The following TRIM49 variants were observed in gnomAD, a reference collection of about 807,000 sequenced individuals.
TRIM49 encodes the protein tripartite motif-containing protein 49.
Under a neutral mutation model 27.4 loss-of-function variants are expected in TRIM49, and 5 were observed. That is an observed-to-expected ratio of 0.18 (90% CI 0.10 to 0.38). The LOEUF is 0.38. Among genes scored for constraint, TRIM49 ranks in the 10% least tolerant of loss-of-function variants. The pLI is 1.00. For synonymous variants in TRIM49, 69 were observed against 166.0 expected (o/e 0.42, Z 4.49); for missense variants, 188 against 487.5 (o/e 0.39, Z 5.79).
the TRIM49 span, chr11:89,787,924 G>T: frequency 3.5e-5 from 13 of 372,744 alleles, no homozygotes; most frequent in Non-Finnish European, 5.3e-5. Flanking sequence ...GGACCACCGG[G>T]CCGCGTGTAT....
At chr11:89,796,151 T>C (rs1275453166), downstream of TRIM49, among the ~76,000 whole-genome samples, 1 of 152,044 alleles carries the variant, frequency 6.6e-6, no homozygotes, top group East Asian at 1.9e-4. Context: ...ATCCCAGCTT[T>C]CTCAGTTATT....
At chr11:89,800,892 T>C in intron 6 of TRIM49, 74 bp downstream of exon 6, 7 of 875,230 alleles carry the variant, frequency 8.0e-6, no homozygotes, top group Non-Finnish European at 1.2e-5. Flanking sequence ...ATTTATGCCA[T>C]GACTTTAATA....
the TRIM49 span, chr11:89,768,129 C>A: frequency 2.2e-6 from 2 of 891,038 alleles, no homozygotes; most frequent in Non-Finnish European, 3.4e-6. Flanking sequence ...GGAAGGCTGC[C>A]CATAGAAAAC....
downstream of TRIM49, among the ~76,000 whole-genome samples, chr11:89,796,997 C>T (rs1262969678): frequency 6.6e-6 from 1 of 151,934 alleles, no homozygotes; most frequent in East Asian, 1.9e-4. Flanking sequence ...TACATCTCTC[C>T]AGCCATGAAT....
chr11:89,774,082 C>T, the TRIM49 span, among the ~76,000 whole-genome samples: 1 of 148,046 alleles, frequency 6.8e-6, no homozygotes, highest in East Asian at 2.0e-4. Context: ...CTCAGTGTAA[C>T]CTCTGCCTCC....
rs775168182 is a variant in TRIM49 at position 89,804,092 on chromosome 11, G to A, written c.378C>T (p.His126=). ...SSSQEHRYHR[H]RPIEWAAEEH... is the part of the protein sequence containing the mutation. ...CCTCAGCAGCCCACTCAATGGGACG[G>A]TGTCTGTGATACCGGTGCTCCTGAG... Residue 126 remains histidine (H), a synonymous_variant, in exon 3 of 8, where the codon CAC becomes CAT. Transcript: ENST00000329758. 6.2e-6 allele frequency: 10 copies of A among 1,608,134 alleles called. No homozygotes were observed. The highest frequency in any genetic ancestry group is 7.6e-6 in the Non-Finnish European group (9 of 1,178,172).
Position 89,804,317 on chromosome 11 carries a change from C to A in TRIM49, c.153G>T (p.Gln51His), listed in dbSNP as rs747616933. ...CGGTTGACTTTGTGCATTCAGAGCA[C>A]TGGACAAGAAATGGGATGTCTTGCC... ...LNWQDIPFLV[Q>H]CSECTKSTEQ... The change falls in exon 3 of 8, where the codon CAG becomes CAT. Residue 51 changes from glutamine to histidine, a missense_variant. Transcript: ENST00000329758. 8.1e-6 allele frequency: 13 copies of A among 1,611,896 alleles called. No individual in the cohort carries two copies. In the East Asian group the frequency reaches 2.9e-4, roughly 36 times the overall value.
the TRIM49 span, among the ~76,000 whole-genome samples, chr11:89,769,587 A>C: frequency 7.7e-6 from 1 of 130,270 alleles, no homozygotes; most frequent in Non-Finnish European, 1.5e-5. Context: ...GCCCAGCAAC[A>C]GTCTGAGCTG....
the TRIM49 span, among the ~76,000 whole-genome samples, chr11:89,773,116 C>T: frequency 7.4e-6 from 1 of 136,038 alleles, no homozygotes; most frequent in Admixed American, 6.9e-5. Flanking sequence ...ACTTGAACCT[C>T]GGAGGCAGAG....
intron 2 of TRIM49, among the ~76,000 whole-genome samples, chr11:89,805,926 G>C (rs1949786488): frequency 6.6e-6 from 1 of 150,448 alleles, no homozygotes; most frequent in Non-Finnish European, 1.5e-5. Flanking sequence ...TGCCATCTTG[G>C]CCAGGCTGCA....
chr11:89,776,885 A>G, the TRIM49 span: 1 of 1,374,776 alleles, frequency 7.3e-7, no homozygotes, highest in South Asian at 1.5e-5. Context: ...CAAGTAGACA[A>G]AGAAAATTGT....
the TRIM49 span, among the ~76,000 whole-genome samples, chr11:89,773,177 G>A: frequency 7.4e-6 from 1 of 135,542 alleles, no homozygotes; most frequent in Admixed American, 6.9e-5. Flanking sequence ...GGTGACAGAG[G>A]GAGACTGCGT....
chr11:89,791,282 G>A, the TRIM49 span, among the ~76,000 whole-genome samples: 29 of 152,254 alleles, frequency 1.9e-4, no homozygotes, highest in Non-Finnish European at 7.4e-5. Context: ...GGTGATGAAA[G>A]TGATGGGGAG....
downstream of TRIM49, among the ~76,000 whole-genome samples, chr11:89,795,851 G>A (rs1183654786): frequency 2.0e-5 from 3 of 151,562 alleles, no homozygotes; most frequent in Admixed American, 6.6e-5. Flanking sequence ...AAATCTGCAC[G>A]TTGTGCACAT....
At chr11:89,771,115 G>A in the TRIM49 span, among the ~76,000 whole-genome samples, 1 of 87,446 alleles carries the variant, frequency 1.1e-5, no homozygotes, top group African/African-American at 5.5e-5. Flanking sequence ...ACAGGGACAT[G>A]CCACAACCCA....
the TRIM49 span, chr11:89,781,867 A>AT: frequency 5.3e-6 from 7 of 1,331,336 alleles, no homozygotes; most frequent in South Asian, 6.6e-5. Context: ...CTAATATAAT[A>AT]TTTTTTTCCT....
chr11:89,789,942 C>T, the TRIM49 span, among the ~76,000 whole-genome samples: 1 of 150,502 alleles, frequency 6.6e-6, no homozygotes, highest in Non-Finnish European at 1.5e-5. Flanking sequence ...CTAGCATGAG[C>T]TGAAGGAGGA....
the TRIM49 span, chr11:89,776,939 G>C: frequency 6.6e-7 from 1 of 1,518,178 alleles, no homozygotes; most frequent in African/African-American, 1.4e-5. Flanking sequence ...ATAAAAATAA[G>C]AGAAAGAAAT....
intron 6 of TRIM49, among the ~76,000 whole-genome samples, chr11:89,800,421 T>C (rs1053364489): frequency 4.6e-5 from 7 of 151,744 alleles, no homozygotes; most frequent in Non-Finnish European, 5.9e-5. Context: ...AAAACTTATC[T>C]TTCTCCTGTG....
Sources: gnomAD v4.1 joint callset for allele counts (sites outside exome capture counted in the v4.1 genomes callset) on GRCh38, gnomAD v4.1.1 for gene constraint, MANE v1.5 for transcripts, NCBI Gene and HGNC (gene_info 2026-07-23, HGNC 2026-07-21) for gene names.